COL4A6: variants seen among roughly 807,000 people sequenced by gnomAD.
The protein encoded by COL4A6 is collagen type IV alpha 6 chain.
Under a neutral mutation model 126.7 loss-of-function variants are expected in COL4A6, and 59 were observed. That is an observed-to-expected ratio of 0.47 (90% CI 0.38 to 0.58). The LOEUF (loss-of-function observed/expected upper bound fraction) is 0.58, where lower values mean the gene tolerates loss of function less well. Ranked by LOEUF, COL4A6 falls within the 20% of genes least tolerant of loss-of-function variation. The pLI, the probability that COL4A6 is intolerant of heterozygous loss-of-function variation, is 0.00. For synonymous variants in COL4A6, 547 were observed against 496.6 expected, an observed-to-expected ratio of 1.10 and a Z score of -1.35; for missense variants, 1,285 against 1,337.3, an observed-to-expected ratio of 0.96 and a Z score of 0.61.
intron 26 of COL4A6, 96 bp from the exon 27 acceptor site, chrX:108,178,941 C>T (rs1278964409): frequency 5.2e-6 from 5 of 960,325 alleles, no homozygotes; most frequent in Non-Finnish European, 7.0e-6. Context: ...GTGCCACTGT[C>T]TTCTCAGCTC....
intron 28 of COL4A6, among the ~76,000 whole-genome samples, chrX:108,176,012 C>T (rs1258822900): frequency 1.8e-5 from 2 of 110,582 alleles, no homozygotes; most frequent in Non-Finnish European, 3.8e-5. Context: ...CATGGCACTA[C>T]ACAATACAAA....
chrX:108,427,131 G>A (rs1230826901), intron 2 of COL4A6, among the ~76,000 whole-genome samples: 2 of 111,682 alleles, frequency 1.8e-5, no homozygotes, highest in Admixed American at 9.5e-5. Context: ...AGAGATATAC[G>A]GTAGTACAGG....
At chrX:108,258,877 C>T (rs773020107) in intron 3 of COL4A6, among the ~76,000 whole-genome samples, 2 of 111,667 alleles carry the variant, frequency 1.8e-5, no homozygotes, top group African/African-American at 6.5e-5. Flanking sequence ...GTAACCAAGA[C>T]TCCTATGTTC....
intron 2 of COL4A6, among the ~76,000 whole-genome samples, chrX:108,400,437 T>G (rs1039265467): frequency 2.7e-5 from 3 of 111,553 alleles, no homozygotes; most frequent in South Asian, 7.5e-4. Flanking sequence ...GCTCACTTAT[T>G]TTTGCTCTTA....
In COL4A6 at chrX:108,216,346, A is replaced by T. The variant is rs759449024; in HGVS notation, c.325-2118T>A. 7.2e-5 allele frequency among the ~76,000 whole-genome samples: 8 copies of T among 111,754 alleles called. No individual in the cohort carries two copies. In the South Asian group the frequency reaches 3.1e-3, roughly 43 times the overall value. ...CCAGTTAGACTTGTGCTCCAATCCC[A>T]CTGTTTCCCTTCCCCAGCTTGAGCC... is the stretch of plus-strand genomic sequence containing the variant. On this transcript the variant is annotated intron_variant, in intron 5 of 44. Coordinates refer to ENST00000334504, the MANE Select transcript of COL4A6 (RefSeq NM_033641.4).
chrX:108,315,893 A>C (rs939841036), intron 2 of COL4A6, among the ~76,000 whole-genome samples: 1 of 112,193 alleles, frequency 8.9e-6, no homozygotes, highest in African/African-American at 3.2e-5. Context: ...GCAGATATTC[A>C]GTGAAGGGCT....
intron 3 of COL4A6, among the ~76,000 whole-genome samples, chrX:108,245,380 AC>A (rs2036690215): frequency 8.9e-6 from 1 of 111,996 alleles, no homozygotes; most frequent in Admixed American, 9.4e-5. Context: ...TACAGGAATC[AC>A]ATGGAAGGAA....
chrX:108,194,677 G>A (rs763304526), intron 15 of COL4A6, 90 bp from the exon 16 acceptor site: 9 of 880,391 alleles, frequency 1.0e-5, no homozygotes, highest in Non-Finnish European at 1.5e-5. Flanking sequence ...AATGGCACAG[G>A]GATCTTGGAT....
intron 2 of COL4A6, among the ~76,000 whole-genome samples, chrX:108,326,785 C>T (rs2039167228): frequency 8.9e-6 from 1 of 111,904 alleles, no homozygotes; most frequent in South Asian, 3.7e-4. Context: ...ACACTATGTA[C>T]AAAAATTAAC....
chrX:108,219,675 A>C, intron 5 of COL4A6, 23 bp downstream of exon 5: 1 of 1,197,363 alleles, frequency 8.4e-7, no homozygotes, highest in Non-Finnish European at 1.1e-6. Context: ...GGATATGAAA[A>C]ATTCATCTGT....
At chrX:108,209,348 C>T (rs764769523) in intron 8 of COL4A6, among the ~76,000 whole-genome samples, 5 of 111,862 alleles carry the variant, frequency 4.5e-5, no homozygotes, top group Non-Finnish European at 7.5e-5. Context: ...TAGTTTTTCC[C>T]ACCCTTGGGG....
intron 3 of COL4A6, among the ~76,000 whole-genome samples, chrX:108,236,389 G>T (rs982450902): frequency 1.8e-5 from 2 of 111,291 alleles, no homozygotes; most frequent in Non-Finnish European, 3.8e-5. Context: ...CAAGAGGAAA[G>T]ATCTCCCAAA....
intron 2 of COL4A6, among the ~76,000 whole-genome samples, chrX:108,315,152 T>C (rs2038851640): frequency 8.9e-6 from 1 of 112,390 alleles, no homozygotes; most frequent in African/African-American, 3.2e-5. Context: ...TGTTACTGAA[T>C]AAAAATGCCT....
intron 2 of COL4A6, among the ~76,000 whole-genome samples, chrX:108,382,932 A>G (rs1359912263): frequency 8.7e-5 from 9 of 103,471 alleles, no homozygotes; most frequent in African/African-American, 3.2e-4. Context: ...TGGGCGACAG[A>G]GTGAGACCCT....
At chrX:108,358,064 T>C (rs1487835530) in intron 2 of COL4A6, among the ~76,000 whole-genome samples, 1 of 111,750 alleles carries the variant, frequency 8.9e-6, no homozygotes, top group African/African-American at 3.3e-5. Flanking sequence ...CCAAGAAGTC[T>C]TGCCTGACAC....
At chrX:108,262,266 A>G (rs2147726217) in intron 3 of COL4A6, among the ~76,000 whole-genome samples, 1 of 111,218 alleles carries the variant, frequency 9.0e-6, no homozygotes, top group South Asian at 3.8e-4. Context: ...AGAGAGATGA[A>G]TAGGCCCTAG....
At chrX:108,419,041 G>C (rs929531577) in intron 2 of COL4A6, among the ~76,000 whole-genome samples, 1 of 112,152 alleles carries the variant, frequency 8.9e-6, no homozygotes, top group Admixed American at 9.5e-5. Flanking sequence ...GCCCTTACTA[G>C]TAGAAAATTT....
chrX:108,265,346 T>C (rs749305634), intron 3 of COL4A6, among the ~76,000 whole-genome samples: 17 of 110,413 alleles, frequency 1.5e-4, no homozygotes, highest in Non-Finnish European at 7.6e-5. Flanking sequence ...TTTAAAAACT[T>C]GTGACTAAAA....
chrX:108,228,889 CT>C (rs1212562148), intron 3 of COL4A6, among the ~76,000 whole-genome samples: 2 of 112,360 alleles, frequency 1.8e-5, no homozygotes, highest in Non-Finnish European at 3.8e-5. Flanking sequence ...TAAAATTATA[CT>C]GTATATACCA....
Sources: gnomAD v4.1 joint callset for allele counts (sites outside exome capture counted in the v4.1 genomes callset) on GRCh38, gnomAD v4.1.1 for gene constraint, MANE v1.5 for transcripts, NCBI Gene and HGNC (gene_info 2026-07-23, HGNC 2026-07-21) for gene names.